Variants in FAM13B observed in about 807,000 individuals in gnomAD.
FAM13B encodes protein FAM13B.
A neutral mutation model predicts 117.3 loss-of-function variants in FAM13B; 60 were observed. The ratio of observed to expected loss-of-function variants is 0.51; its 90% CI spans 0.42 to 0.63. The LOEUF is 0.63. Ranked by LOEUF, FAM13B falls within the 30% of genes least tolerant of loss-of-function variation. The probability of loss-of-function intolerance (pLI) is 0.00; values close to 1 mark genes in which losing one functional copy is unlikely to be tolerated. For synonymous variants in FAM13B, 332 were observed against 356.1 expected (o/e 0.93, Z 0.76); for missense variants, 972 against 1,091.9 (o/e 0.89, Z 1.55).
chr5:138,000,105 TTTA>T (rs1384554210), intron 7 of FAM13B, among the ~76,000 whole-genome samples: 3 of 152,142 alleles, frequency 2.0e-5, no homozygotes, highest in Non-Finnish European at 4.4e-5. Flanking sequence ...ATGTGATAGG[TTTA>T]TTGTTACTTT....
chr5:137,976,023 T>C (rs1773866376), intron 10 of FAM13B, among the ~76,000 whole-genome samples: 1 of 131,542 alleles, frequency 7.6e-6, no homozygotes, highest in Non-Finnish European at 1.5e-5. Context: ...TTGCCCAGGC[T>C]GGAGTGCAGT....
At chr5:138,032,758 C>A in intron 1 of FAM13B, 24 bp downstream of exon 1, 2 of 985,702 alleles carry the variant, frequency 2.0e-6, no homozygotes, top group African/African-American at 1.7e-5. Flanking sequence ...ATGCGCAGAT[C>A]CGGGTACCCG....
chr5:138,010,485 G>T (rs1783703975), intron 6 of FAM13B, among the ~76,000 whole-genome samples: 1 of 152,106 alleles, frequency 6.6e-6, no homozygotes, highest in African/African-American at 2.4e-5. Flanking sequence ...TGTAACCTCA[G>T]AAAGAGATTT....
At chr5:138,006,176 C>T (rs1284385914) in intron 7 of FAM13B, among the ~76,000 whole-genome samples, 1 of 152,130 alleles carries the variant, frequency 6.6e-6, no homozygotes, top group African/African-American at 2.4e-5. Flanking sequence ...AGATTACAGG[C>T]GTCAGCCACC....
At chr5:138,013,106 G>A (rs992817426) in intron 4 of FAM13B, among the ~76,000 whole-genome samples, 1 of 152,142 alleles carries the variant, frequency 6.6e-6, no homozygotes, top group African/African-American at 2.4e-5. Flanking sequence ...AGGAGGCTGA[G>A]GTGAGAGGAT....
At chr5:138,036,658 G>GT, upstream of FAM13B, 1 of 447,706 alleles carries the variant, frequency 2.2e-6, no homozygotes, top group South Asian at 1.6e-5. Context: ...AAATAACTGA[G>GT]TATTTAATCT....
chr5:137,968,871 C>T (rs1204833149), intron 10 of FAM13B, among the ~76,000 whole-genome samples: 2 of 152,190 alleles, frequency 1.3e-5, no homozygotes, highest in Admixed American at 1.3e-4. Context: ...AAAATTGGGT[C>T]ACTCCCACCT....
chr5:137,972,189 T>G (rs1429194864), intron 10 of FAM13B, among the ~76,000 whole-genome samples: 4 of 149,680 alleles, frequency 2.7e-5, no homozygotes, highest in South Asian at 2.2e-4. Flanking sequence ...ATATCCTTGA[T>G]GAACATTGAT....
At chr5:138,004,752 C>T (rs1285212359) in intron 7 of FAM13B, among the ~76,000 whole-genome samples, 1 of 151,844 alleles carries the variant, frequency 6.6e-6, no homozygotes, top group Non-Finnish European at 1.5e-5. Context: ...TGGTAGCGAG[C>T]ACCTGTGGTC....
intron 1 of FAM13B, among the ~76,000 whole-genome samples, chr5:138,040,449 G>A (rs1011482070): frequency 5.9e-5 from 9 of 151,958 alleles, no homozygotes; most frequent in African/African-American, 1.7e-4. Context: ...GTGCATGCCT[G>A]TGATCCCAGC....
chr5:138,012,270 T>C (rs1342827021), intron 4 of FAM13B, among the ~76,000 whole-genome samples: 4 of 150,500 alleles, frequency 2.7e-5, no homozygotes, highest in African/African-American at 7.3e-5. Context: ...AGCATGACTG[T>C]ACCTGTGTTT....
intron 1 of FAM13B, among the ~76,000 whole-genome samples, chr5:138,031,686 GA>G (rs761785377): frequency 2.7e-3 from 359 of 133,396 alleles, no homozygotes; most frequent in Middle Eastern, 3.8e-3. Context: ...CTGTCTCAAG[GA>G]AAAAAAAAAA....
chr5:137,962,552 G>C, intron 10 of FAM13B, 83 bp from the exon 11 acceptor site: 1 of 1,249,670 alleles, frequency 8.0e-7, no homozygotes, highest in East Asian at 2.4e-5. Flanking sequence ...TAGGATATTA[G>C]AATACAGATT....
chr5:138,029,290 C>T (rs1789286831), intron 1 of FAM13B, among the ~76,000 whole-genome samples: 2 of 152,198 alleles, frequency 1.3e-5, no homozygotes, highest in Non-Finnish European at 2.9e-5. Context: ...CAAGTAGATG[C>T]CCCTTCTAGG....
rs1343829746 is a variant in FAM13B, at chr5:138,033,071, A to G, written c.-492T>C. 5.1e-6 allele frequency: 5 copies of G among 978,952 alleles called. No individual in the cohort carries two copies. In the Admixed American group the frequency reaches 1.9e-4, roughly 38 times the overall value. 60.6% of individuals were successfully genotyped at this position (978,952 alleles called of 1,614,324 possible). ...AGCCTCCCTAACGGCGAGCGGGAGG[A>G]GAGCGGCTGGCGGGCGGAGGCCGGG... On this transcript the variant is annotated 5_prime_UTR_variant, in exon 1 of 24. Coordinates refer to ENST00000689681, the MANE Select transcript of FAM13B (RefSeq NM_001385994.1).
At chr5:138,040,262 C>CA (rs3032825) in intron 1 of FAM13B, among the ~76,000 whole-genome samples, 19 of 25,214 alleles carry the variant, frequency 7.5e-4, no homozygotes, top group African/African-American at 2.6e-3. Context: ...GACTCTGTCT[C>CA]AAAAAAAAAA....
At chr5:138,005,415 G>A (rs1161978157) in intron 7 of FAM13B, among the ~76,000 whole-genome samples, 1 of 150,906 alleles carries the variant, frequency 6.6e-6, no homozygotes, top group Admixed American at 6.6e-5. Flanking sequence ...TCCAGTAAAT[G>A]TATCCAAATA....
intron 7 of FAM13B, among the ~76,000 whole-genome samples, chr5:137,995,326 A>G (rs1779596971): frequency 6.6e-6 from 1 of 152,214 alleles, no homozygotes; most frequent in Non-Finnish European, 1.5e-5. Flanking sequence ...ATCTAGCTAG[A>G]CTTCTCTCAA....
In FAM13B at chr5:138,018,949, G is replaced by A. The variant is rs1785925366; in HGVS notation, c.157+6C>T. On this transcript the variant is annotated splice_donor_region_variant and intron_variant, in intron 3 of 23. Transcript: ENST00000689681. ...AAGCTAGCCCTCAAAGTAAGGAAAT[G>A]TATACCATGTTCCTCAATATAGTCC... 2 of 1,604,696 alleles carry A rather than the reference G, an allele frequency of 1.2e-6. No homozygotes were observed. The highest frequency in any genetic ancestry group is 1.7e-6 in the Non-Finnish European group (2 of 1,173,762).
Sources: gnomAD v4.1 joint callset for allele counts (sites outside exome capture counted in the v4.1 genomes callset) on GRCh38, gnomAD v4.1.1 for gene constraint, MANE v1.5 for transcripts, NCBI Gene and HGNC (gene_info 2026-07-23, HGNC 2026-07-21) for gene names.